ADARB2: variants seen among roughly 807,000 people sequenced by gnomAD.
ADARB2 encodes adenosine deaminase RNA specific B2 (inactive), also known as inactive double-stranded RNA-specific editase B2.
Under a neutral mutation model 62.2 loss-of-function variants are expected in ADARB2, and 25 were observed. That is an observed-to-expected ratio of 0.40 (90% CI 0.29 to 0.56). The LOEUF (loss-of-function observed/expected upper bound fraction) is 0.56. ADARB2 is among the 20% of genes least tolerant of loss of function. The probability of loss-of-function intolerance (pLI) is 0.43; values close to 1 mark genes in which losing one functional copy is unlikely to be tolerated. For missense variants in ADARB2, 1,071 were observed against 1,077.4 expected (o/e 0.99, Z 0.08); for synonymous variants, 572 against 500.8 (o/e 1.14, Z -1.90).
intron 3 of ADARB2, among the ~76,000 whole-genome samples, chr10:1,295,522 G>A (rs1831515339): frequency 6.6e-6 from 1 of 152,120 alleles, no homozygotes; most frequent in Admixed American, 6.5e-5. Flanking sequence ...AACGGACAGG[G>A]AGGACAAGAG....
chr10:1,326,807 C>CCAGCGCCTCCCCACGGCA lies in ADARB2; in HGVS notation c.1077+36220_1077+36221insTGCCGTGGGGAGGCGCTG, dbSNP rs1564257804. ...TCACTGCCCAGCGCCTCCCCACGGC[C>CCAGCGCCTCCCCACGGCA]CAGCGCCTCCCCACGGCCCAGCGCC... On this transcript the variant is annotated intron_variant, in intron 3 of 9. Transcript: ENST00000381312. 8.1e-5 allele frequency among the ~76,000 whole-genome samples: 9 copies of CCAGCGCCTCCCCACGGCA among 111,736 alleles called. 3 individuals are homozygous for CCAGCGCCTCCCCACGGCA. Among genetic ancestry groups the CCAGCGCCTCCCCACGGCA allele is most frequent in the Non-Finnish European group, 7.7e-5 (4 of 52,204 alleles). 73.3% of individuals were successfully genotyped at this position (111,736 alleles called of 152,430 possible).
intron 1 of ADARB2, among the ~76,000 whole-genome samples, chr10:1,720,741 AC>A (rs1249727141): frequency 6.6e-6 from 1 of 152,174 alleles, no homozygotes; most frequent in Non-Finnish European, 1.5e-5. Context: ...ACACGTGGAA[AC>A]CCTGTGGCAA....
chr10:1,348,904 G>GAAGT (rs946219909), intron 3 of ADARB2, among the ~76,000 whole-genome samples: 6 of 152,188 alleles, frequency 3.9e-5, no homozygotes, highest in African/African-American at 1.4e-4. Flanking sequence ...AGCGGCCCAG[G>GAAGT]AAGTCACCAG....
chr10:1,226,876 C>T lies in ADARB2; in HGVS notation c.1513+6818G>A, dbSNP rs1210312170. On this transcript the variant is annotated intron_variant, in intron 6 of 9. Transcript: ENST00000381312. The stretch of plus-strand genomic sequence containing the variant: ...GGGGGTCAGGTGGAGGCAGTCCACC[C>T]GATCTCAGCTCTCAAGCTGCATGAT... Among the ~76,000 whole-genome samples the T allele has an allele frequency of 2.6e-4, 32 of 121,258 alleles. 2 individuals carry two copies. Among genetic ancestry groups the T allele is most frequent in the Non-Finnish European group, 3.6e-5 (2 of 55,626 alleles). The allele number at this position is 121,258 out of a possible 152,430, so 79.5% of individuals were successfully genotyped here.
In ADARB2 at chr10:1,255,791, G is replaced by A. The variant is rs532931843; in HGVS notation, c.1193-13492C>T. ...GGGATCCCTCCCAAACAGGTCACAC[G>A]TGTGTCTGTGACTCATGGTGGGTCA... On this transcript the variant is annotated intron_variant, in intron 4 of 9. Coordinates refer to ENST00000381312, the MANE Select transcript of ADARB2 (RefSeq NM_018702.4). The surrounding 1 kb of genome is among the most constrained non-coding windows in gnomAD (Gnocchi z 4.7). Among the ~76,000 whole-genome samples the A allele has an allele frequency of 6.6e-5, 10 of 152,044 alleles. No individual in the cohort carries two copies. Among genetic ancestry groups the A allele is most frequent in the South Asian group, 6.3e-4 (3 of 4,800 alleles).
At chr10:1,415,506 C>T (rs920211980) in intron 1 of ADARB2, among the ~76,000 whole-genome samples, 5 of 63,246 alleles carry the variant, frequency 7.9e-5, no homozygotes, top group Non-Finnish European at 1.5e-4. Flanking sequence ...CAGATAAACA[C>T]GACACCTCTT....
At chr10:1,471,252 TC>T (rs1168256515) in intron 1 of ADARB2, among the ~76,000 whole-genome samples, 1 of 152,208 alleles carries the variant, frequency 6.6e-6, no homozygotes, top group Non-Finnish European at 1.5e-5. Context: ...TGTAAAACCT[TC>T]CCACCGTTCT....
intron 1 of ADARB2, among the ~76,000 whole-genome samples, chr10:1,530,805 C>T (rs900258242): frequency 1.3e-5 from 2 of 152,200 alleles, no homozygotes; most frequent in African/African-American, 2.4e-5. Context: ...GCTTGCTCCC[C>T]TTCAACTCTG....
chr10:1,511,194 T>G (rs1038033707), intron 1 of ADARB2, among the ~76,000 whole-genome samples: 5 of 150,886 alleles, frequency 3.3e-5, no homozygotes, highest in Admixed American at 2.6e-4. Flanking sequence ...CTGGGGTGGG[T>G]GGGCGTATCG....
chr10:1,369,519 G>A (rs1322569952), intron 2 of ADARB2, among the ~76,000 whole-genome samples: 2 of 152,230 alleles, frequency 1.3e-5, no homozygotes, highest in Non-Finnish European at 2.9e-5. Flanking sequence ...GGCCAGCAGG[G>A]AAGATGATAG....
At chr10:1,412,880 G>A (rs142334712) in intron 1 of ADARB2, among the ~76,000 whole-genome samples, 74 of 152,304 alleles carry the variant, frequency 4.9e-4, no homozygotes, top group African/African-American at 1.6e-3. Context: ...AAATCCACCC[G>A]CAGTGTTTTT....
At chr10:1,455,938 C>T (rs1172413218) in intron 1 of ADARB2, among the ~76,000 whole-genome samples, 1 of 152,138 alleles carries the variant, frequency 6.6e-6, no homozygotes, top group Admixed American at 6.5e-5. Context: ...TAATGTATGT[C>T]ACTTAAAGGA....
chr10:1,262,979 T>C (rs1831157331), intron 4 of ADARB2, among the ~76,000 whole-genome samples: 1 of 151,784 alleles, frequency 6.6e-6, no homozygotes, highest in Non-Finnish European at 1.5e-5. Flanking sequence ...ATGTCCTTTG[T>C]AGGGACATGG....
At chr10:1,489,309 A>C (rs7901452) in intron 1 of ADARB2, among the ~76,000 whole-genome samples, 7 of 124,748 alleles carry the variant, frequency 5.6e-5, no homozygotes, top group East Asian at 3.0e-4. Flanking sequence ...AAGGCGTGAC[A>C]GTGCCTCTCT....
At chr10:1,272,644 G>A (rs1429466938) in intron 3 of ADARB2, among the ~76,000 whole-genome samples, 1 of 152,186 alleles carries the variant, frequency 6.6e-6, no homozygotes, top group East Asian at 1.9e-4. Context: ...AGGACAGATT[G>A]CAGATGAAAG....
chr10:1,224,818 G>A (rs943422799), intron 6 of ADARB2, among the ~76,000 whole-genome samples: 2 of 152,184 alleles, frequency 1.3e-5, no homozygotes, highest in African/African-American at 4.8e-5. Context: ...CATTTGCTGA[G>A]GAGAGCTTTA....
chr10:1,245,207 T>C (rs996448659), intron 4 of ADARB2, among the ~76,000 whole-genome samples: 2 of 151,948 alleles, frequency 1.3e-5, no homozygotes, highest in Admixed American at 6.6e-5. Context: ...AAGGACCGAA[T>C]CCACAGGATT....
chr10:1,581,440 G>A (rs1295680198), intron 1 of ADARB2, among the ~76,000 whole-genome samples: 1 of 152,326 alleles, frequency 6.6e-6, no homozygotes, highest in South Asian at 2.1e-4. Context: ...AGAGCAGGAG[G>A]CGCAACAGTG....
chr10:1,323,326 A>C (rs375514213), intron 3 of ADARB2, among the ~76,000 whole-genome samples: 187 of 152,164 alleles, frequency 1.2e-3, no homozygotes, highest in African/African-American at 4.2e-3. Flanking sequence ...ATCAAAGAAG[A>C]CCTAAATTAA....
Sources: gnomAD v4.1 joint callset for allele counts (sites outside exome capture counted in the v4.1 genomes callset) on GRCh38, gnomAD v4.1.1 for gene constraint, Gnocchi (gnomAD v3.1) non-coding constraint, MANE v1.5 for transcripts, NCBI Gene and HGNC (gene_info 2026-07-23, HGNC 2026-07-21) for gene names.